Variants in SMG6 observed in about 807,000 individuals in gnomAD.
SMG6 encodes telomerase-binding protein EST1A.
SMG6 carries 66 observed loss-of-function variants against 142.2 expected under a neutral mutation model. The ratio of observed to expected loss-of-function variants is 0.46; its 90% CI spans 0.38 to 0.57. The LOEUF (loss-of-function observed/expected upper bound fraction) is 0.57. Among genes scored for constraint, SMG6 ranks in the 20% least tolerant of loss-of-function variants. The probability of loss-of-function intolerance (pLI) is 0.00; values close to 1 mark genes in which losing one functional copy is unlikely to be tolerated. For synonymous variants in SMG6, 779 were observed against 702.4 expected, an observed-to-expected ratio of 1.11 and a Z score of -1.72; for missense variants, 1,793 against 1,832.0, an observed-to-expected ratio of 0.98 and a Z score of 0.39.
chr17:2,102,247 T>A (rs1259935272), intron 13 of SMG6, among the ~76,000 whole-genome samples: 1 of 152,246 alleles, frequency 6.6e-6, no homozygotes, highest in African/African-American at 2.4e-5. Context: ...TACAAAGTGA[T>A]ATATTTTATG....
At chr17:2,104,097 G>T (rs556766332) in intron 13 of SMG6, among the ~76,000 whole-genome samples, 2 of 151,820 alleles carry the variant, frequency 1.3e-5, no homozygotes, top group Non-Finnish European at 2.9e-5. Context: ...GACTACAGGC[G>T]CCCACCACCT....
At chr17:2,260,915 G>A (rs1364942267) in intron 8 of SMG6, among the ~76,000 whole-genome samples, 1 of 151,930 alleles carries the variant, frequency 6.6e-6, no homozygotes, top group Non-Finnish European at 1.5e-5. Context: ...AGAATCACTT[G>A]AACCCGGGAG....
intron 5 of SMG6, 36 bp downstream of exon 5, chr17:2,292,835 T>TA: frequency 6.4e-7 from 1 of 1,571,724 alleles, no homozygotes; most frequent in East Asian, 2.2e-5. Context: ...TAGAGCCACA[T>TA]AGGGAAGAGA....
intron 10 of SMG6, among the ~76,000 whole-genome samples, chr17:2,210,606 G>A (rs543584292): frequency 6.6e-6 from 1 of 151,742 alleles, no homozygotes; most frequent in East Asian, 1.9e-4. Context: ...GAAAGAGGAG[G>A]GCAAACGTAG....
At chr17:2,219,752 T>G (rs1045637079) in intron 10 of SMG6, among the ~76,000 whole-genome samples, 1 of 141,924 alleles carries the variant, frequency 7.0e-6, no homozygotes, top group Admixed American at 7.6e-5. Context: ...CAATGAACTA[T>G]GACCACACCA....
At chr17:2,240,859 T>C (rs1158326599) in intron 9 of SMG6, among the ~76,000 whole-genome samples, 1 of 152,156 alleles carries the variant, frequency 6.6e-6, no homozygotes, top group Admixed American at 6.5e-5. Flanking sequence ...CCCATTACAA[T>C]CTCCTCACTC....
Position 2,061,046 on chromosome 17 carries a change from G to A in SMG6, c.*446C>T, listed in dbSNP as rs377721366. ...ACCAAAGCCTCTTGAACACATTCAC[G>A]ACAGAGGTTCTGAAGATGAAAGGGA... On this transcript the variant is annotated 3_prime_UTR_variant, in exon 19 of 19. Coordinates refer to ENST00000263073, the MANE Select transcript of SMG6 (RefSeq NM_017575.5). 1.7e-4 allele frequency: 28 copies of A among 163,624 alleles called. No homozygotes were observed. The highest frequency in any genetic ancestry group is 5.3e-4 in the African/African-American group (22 of 41,680). 10.1% of individuals were successfully genotyped at this position (163,624 alleles called of 1,614,324 possible). A position where few individuals can be genotyped will look rare whatever the true frequency, so the allele number is the denominator to read the frequency against.
intron 10 of SMG6, among the ~76,000 whole-genome samples, chr17:2,234,237 CTTTTT>C (rs369089980): frequency 6.7e-6 from 1 of 148,768 alleles, no homozygotes. Context: ...CCTGTATTTT[CTTTTT>C]TTTTTACTTT....
chr17:2,163,431 T>C (rs2071241052), intron 13 of SMG6, among the ~76,000 whole-genome samples: 1 of 152,130 alleles, frequency 6.6e-6, no homozygotes, highest in African/African-American at 2.4e-5. Context: ...CCTCCCACCT[T>C]GGCCTCCCAA....
At chr17:2,078,046 G>C (rs2068308557) in intron 15 of SMG6, among the ~76,000 whole-genome samples, 1 of 152,130 alleles carries the variant, frequency 6.6e-6, no homozygotes, top group African/African-American at 2.4e-5. Flanking sequence ...TTCTGAGCAG[G>C]GGAGTGGCTC....
At chr17:2,220,920 G>A (rs950414859) in intron 10 of SMG6, among the ~76,000 whole-genome samples, 2 of 152,010 alleles carry the variant, frequency 1.3e-5, no homozygotes, top group African/African-American at 4.8e-5. Flanking sequence ...AACCCAAAAT[G>A]TTAAATCCTT....
intron 13 of SMG6, among the ~76,000 whole-genome samples, chr17:2,155,707 A>C (rs1369534998): frequency 1.3e-5 from 2 of 152,212 alleles, no homozygotes; most frequent in Admixed American, 1.3e-4. Flanking sequence ...CAAGAGAGGA[A>C]GGAAATGGTA....
chr17:2,165,688 G>A (rs1489848185), intron 13 of SMG6, among the ~76,000 whole-genome samples: 1 of 152,148 alleles, frequency 6.6e-6, no homozygotes, highest in Non-Finnish European at 1.5e-5. Context: ...GATCACTTGA[G>A]CTCAGGAGTT....
At chr17:2,088,712 G>A in intron 13 of SMG6, 1 of 985,410 alleles carries the variant, frequency 1.0e-6, no homozygotes, top group Non-Finnish European at 1.2e-6. Flanking sequence ...AGTGAGAAGT[G>A]CACAGTCTGA....
chr17:2,286,299 C>T (rs545138508), intron 6 of SMG6, among the ~76,000 whole-genome samples: 1 of 99,186 alleles, frequency 1.0e-5, no homozygotes, highest in African/African-American at 4.0e-5. Flanking sequence ...CAAGGGACCT[C>T]AAATGGCCAA....
At chr17:2,252,238 C>T (rs1314652045) in intron 8 of SMG6, among the ~76,000 whole-genome samples, 1 of 151,960 alleles carries the variant, frequency 6.6e-6, no homozygotes, top group African/African-American at 2.4e-5. Flanking sequence ...GGTGAAACCC[C>T]GTCTCTACTA....
chr17:2,177,899 G>A (rs977283146), intron 12 of SMG6, among the ~76,000 whole-genome samples: 5 of 152,180 alleles, frequency 3.3e-5, no homozygotes, highest in African/African-American at 9.7e-5. Context: ...CTTTTCAAAC[G>A]GTTTCCCTGT....
At chr17:2,195,929 C>G (rs541366160) in intron 10 of SMG6, among the ~76,000 whole-genome samples, 1 of 152,268 alleles carries the variant, frequency 6.6e-6, no homozygotes, top group South Asian at 2.1e-4. Context: ...GCTCCTCTCT[C>G]CTTTGCTATG....
intron 10 of SMG6, among the ~76,000 whole-genome samples, chr17:2,232,381 TGCCTTA>T (rs1431916814): frequency 7.2e-5 from 11 of 152,162 alleles, no homozygotes; most frequent in Admixed American, 7.2e-4. Flanking sequence ...GGCTCAGGAA[TGCCTTA>T]GAGAGATTAT....
Sources: gnomAD v4.1 joint callset for allele counts (sites outside exome capture counted in the v4.1 genomes callset) on GRCh38, gnomAD v4.1.1 for gene constraint, MANE v1.5 for transcripts, NCBI Gene and HGNC (gene_info 2026-07-23, HGNC 2026-07-21) for gene names.